Variants in PDE2A observed in about 807,000 individuals in gnomAD.
The protein encoded by PDE2A is phosphodiesterase 2A, also known as cGMP-dependent 3',5'-cyclic phosphodiesterase.
In PDE2A, 53 loss-of-function variants were observed where a neutral mutation model predicts 133.6. The ratio of observed to expected loss-of-function variants is 0.40; its 90% CI spans 0.32 to 0.50. PDE2A has a LOEUF of 0.50. PDE2A is among the 20% of genes least tolerant of loss of function. The probability of loss-of-function intolerance (pLI) is 0.73; values close to 1 mark genes in which losing one functional copy is unlikely to be tolerated. For missense variants in PDE2A, 796 were observed against 1,232.4 expected, an observed-to-expected ratio of 0.65 and a Z score of 5.30; for synonymous variants, 491 against 490.2, an observed-to-expected ratio of 1.00 and a Z score of -0.02.
At chr11:72,663,199 G>A (rs563455938) in intron 1 of PDE2A, among the ~76,000 whole-genome samples, 2 of 152,250 alleles carry the variant, frequency 1.3e-5, no homozygotes, top group East Asian at 3.9e-4. Context: ...CCATCTCCAT[G>A]GCCAGGGTGA....
At chr11:72,611,649 G>A (rs972228230) in intron 2 of PDE2A, among the ~76,000 whole-genome samples, 9 of 152,272 alleles carry the variant, frequency 5.9e-5, no homozygotes, top group Non-Finnish European at 1.0e-4. Context: ...GTGCTAGAGC[G>A]GACTGGATGG....
chr11:72,670,951 G>A (rs1855371805), intron 1 of PDE2A, among the ~76,000 whole-genome samples: 2 of 152,136 alleles, frequency 1.3e-5, no homozygotes, highest in South Asian at 2.1e-4. Context: ...TAAAACAACT[G>A]CTAGAAAATG....
intron 2 of PDE2A, among the ~76,000 whole-genome samples, chr11:72,611,161 G>C (rs1482602374): frequency 6.6e-6 from 1 of 152,218 alleles, no homozygotes; most frequent in East Asian, 1.9e-4. Context: ...GGGGAAGAGA[G>C]ACCCAGGTGA....
intron 2 of PDE2A, among the ~76,000 whole-genome samples, chr11:72,618,116 C>G (rs1265188910): frequency 6.6e-6 from 1 of 152,152 alleles, no homozygotes. Flanking sequence ...TCCAGAGTGA[C>G]AGGCTCCGAG....
chr11:72,623,481 G>T (rs1857882878), intron 2 of PDE2A, among the ~76,000 whole-genome samples: 1 of 151,918 alleles, frequency 6.6e-6, no homozygotes, highest in Admixed American at 6.6e-5. Flanking sequence ...CATTATCCCA[G>T]CCAGGTCCAC....
chr11:72,578,007 G>A lies in PDE2A; in HGVS notation c.2615+226C>T, dbSNP rs1855543320. 6.6e-6 allele frequency among the ~76,000 whole-genome samples: 1 copy of A among 152,198 alleles called. No homozygotes were observed. Among genetic ancestry groups the A allele is most frequent in the Non-Finnish European group, 1.5e-5 (1 of 68,030 alleles). On this transcript the variant is annotated intron_variant, in intron 30 of 30. Coordinates refer to ENST00000334456, the MANE Select transcript of PDE2A (RefSeq NM_002599.5). The surrounding 1 kb of genome is among the most constrained non-coding windows in gnomAD (Gnocchi z 4.2). ...AGAACTTCCACAAGAATGTGAGACA[G>A]AGGAGGACACCTAGGAAAGCATGAT...
chr11:72,666,961 G>C (rs955286566), intron 1 of PDE2A, among the ~76,000 whole-genome samples: 2 of 152,078 alleles, frequency 1.3e-5, no homozygotes, highest in African/African-American at 4.8e-5. Context: ...CAAAAATTAT[G>C]CAGGTGTGGT....
Position 72,674,260 on chromosome 11 carries a change from C to G in PDE2A, c.-53G>C, listed in dbSNP as rs1305324533. ...AGACTAAGGTGGCACCTCGCCCTGT[C>G]CCCGCTGCCTGGAGTTCAGGGCAGG... On this transcript the variant is annotated 5_prime_UTR_variant, in exon 1 of 31. Coordinates refer to ENST00000334456, the MANE Select transcript of PDE2A (RefSeq NM_002599.5). The G allele has an allele frequency of 2.6e-6, 4 of 1,560,510 alleles. No homozygotes were observed. In the Admixed American group the frequency reaches 7.0e-5, roughly 27 times the overall value.
chr11:72,592,336 C>G (rs1049145274), intron 6 of PDE2A, among the ~76,000 whole-genome samples: 2 of 152,194 alleles, frequency 1.3e-5, no homozygotes, highest in Non-Finnish European at 2.9e-5. Flanking sequence ...TCCTCCCTCC[C>G]CAGTCAGCAG....
At chr11:72,584,339 C>A (rs376313328) in intron 18 of PDE2A, 26 bp from the exon 19 acceptor site, 1 of 1,470,580 alleles carries the variant, frequency 6.8e-7, no homozygotes, top group Non-Finnish European at 9.5e-7. Flanking sequence ...GGGCAAGGAA[C>A]CACCGGTGGA....
intron 2 of PDE2A, among the ~76,000 whole-genome samples, chr11:72,619,005 C>G (rs1044556076): frequency 6.6e-6 from 1 of 152,224 alleles, no homozygotes; most frequent in Non-Finnish European, 1.5e-5. Context: ...TTTCCTTCCT[C>G]ACATCCCGAG....
intron 1 of PDE2A, among the ~76,000 whole-genome samples, chr11:72,659,124 C>T (rs959808966): frequency 4.6e-5 from 7 of 151,828 alleles, no homozygotes; most frequent in Non-Finnish European, 1.0e-4. Flanking sequence ...CCTGCCCAAG[C>T]CCACGTGCTG....
At chr11:72,584,163 C>T (rs1855849393) in intron 19 of PDE2A, 38 bp downstream of exon 19, 1 of 863,516 alleles carries the variant, frequency 1.2e-6, no homozygotes, top group South Asian at 1.4e-5. Flanking sequence ...GGCCCCGCCC[C>T]CTATCACCCC....
At position 72,578,195 on chromosome 11, in the gene PDE2A, CTG is replaced by C; in HGVS notation, c.2615+36_2615+37del. ...ATGTCCCCACTCCAGCCTACCCTCT[CTG>C]TGCAGGGTGCAGCTTGTCCCCATGA... On this transcript the variant is annotated intron_variant, in intron 30 of 30. Coordinates refer to ENST00000334456, the MANE Select transcript of PDE2A (RefSeq NM_002599.5). The surrounding 1 kb of genome is among the most constrained non-coding windows in gnomAD (Gnocchi z 4.2). 7.7e-7 allele frequency: 1 copy of C among 1,306,204 alleles called. No individual in the cohort carries two copies. The highest frequency in any genetic ancestry group is 1.1e-6 in the Non-Finnish European group (1 of 898,780). 80.9% of individuals were successfully genotyped at this position (1,306,204 alleles called of 1,614,324 possible). A position where few individuals can be genotyped will look rare whatever the true frequency, so the allele number is the denominator to read the frequency against.
At position 72,578,884 on chromosome 11, in the gene PDE2A, G is replaced by A. The variant is rs1295459859; in HGVS notation, c.2469+13C>T. On this transcript the variant is annotated intron_variant, in intron 28 of 30. Coordinates refer to ENST00000334456, the MANE Select transcript of PDE2A (RefSeq NM_002599.5). The surrounding 1 kb of genome is among the most constrained non-coding windows in gnomAD (Gnocchi z 4.2). ...TGGGCAGCCTGTGCCTTCCCAGGGA[G>A]GACTACACCTACCGCGATCTTTCTC... The A allele has an allele frequency of 6.4e-7, 1 of 1,559,544 alleles. No homozygotes were observed. The highest frequency in any genetic ancestry group is 8.8e-7 in the Non-Finnish European group (1 of 1,130,532).
Position 72,590,650 on chromosome 11 carries a change from GC to G in PDE2A, c.550-71del. 7.7e-7 allele frequency: 1 copy of G among 1,295,398 alleles called. No individual in the cohort carries two copies. The highest frequency in any genetic ancestry group is 9.8e-7 in the Non-Finnish European group (1 of 1,015,238). The allele number at this position is 1,295,398 out of a possible 1,614,324, so 80.2% of individuals were successfully genotyped here. ...CTGCGCTTGCTGCAGCGGGATTCCTGCCTTTGCTCCCGCCGTTCCCTCTGCC... is the reference window on the plus strand; with the variant it reads ...CTGCGCTTGCTGCAGCGGGATTCCTGCTTTGCTCCCGCCGTTCCCTCTGCC... On this transcript the variant is annotated intron_variant, in intron 7 of 30. Coordinates refer to ENST00000334456, the MANE Select transcript of PDE2A (RefSeq NM_002599.5). The surrounding 1 kb of genome is among the most constrained non-coding windows in gnomAD (Gnocchi z 4.8).
chr11:72,610,605 C>T (rs574737949), intron 2 of PDE2A, among the ~76,000 whole-genome samples: 2 of 152,262 alleles, frequency 1.3e-5, no homozygotes, highest in South Asian at 2.1e-4. Context: ...CTTGGTCCCT[C>T]CCACTGCTCA....
At chr11:72,598,711 G>A (rs903407738) in intron 4 of PDE2A, 39 of 1,277,830 alleles carry the variant, frequency 3.1e-5, no homozygotes, top group South Asian at 7.5e-5. Flanking sequence ...TGCAAGTCAC[G>A]AGATCACTAG....
At chr11:72,661,494 C>G (rs1855061799) in intron 1 of PDE2A, among the ~76,000 whole-genome samples, 1 of 152,122 alleles carries the variant, frequency 6.6e-6, no homozygotes, top group Admixed American at 6.5e-5. Flanking sequence ...TCCTTCATCC[C>G]AAAACTTGAC....
Sources: allele counts gnomAD v4.1 joint callset (sites outside exome capture counted in the v4.1 genomes callset), GRCh38; gene constraint gnomAD v4.1.1; non-coding constraint Gnocchi (gnomAD v3.1); transcripts MANE v1.5; gene names NCBI Gene and HGNC (gene_info 2026-07-23, HGNC 2026-07-21).